The following METAP1D variants were observed in gnomAD, a reference collection of about 807,000 sequenced individuals.
METAP1D encodes the protein methionyl aminopeptidase type 1D, mitochondrial.
In METAP1D, 31 loss-of-function variants were observed where a neutral mutation model predicts 40.5. The ratio of observed to expected loss-of-function variants is 0.77; its 90% confidence interval spans 0.58 to 1.03. The LOEUF is 1.03. Among genes scored for constraint, METAP1D ranks in the 50% least tolerant of loss-of-function variants. The pLI is 0.00. For missense variants in METAP1D, 411 were observed against 420.7 expected, an observed-to-expected ratio of 0.98 and a Z score of 0.20; for synonymous variants, 151 against 146.4, an observed-to-expected ratio of 1.03 and a Z score of -0.22.
At chr2:172,030,344 G>A (rs1200243583) in intron 1 of METAP1D, among the ~76,000 whole-genome samples, 5 of 151,854 alleles carry the variant, frequency 3.3e-5, no homozygotes, top group African/African-American at 1.2e-4. Flanking sequence ...TGCCCACCTC[G>A]GCCTCCCAAA....
At position 172,082,285 on chromosome 2, in the gene METAP1D, C is replaced by T. The variant is rs1690737018; in HGVS notation, c.*1879C>T. On this transcript the variant is annotated 3_prime_UTR_variant, in exon 10 of 10. Transcript: ENST00000315796. ...TATCTTATCTGCAAATCAGTTTACT[C>T]CGAGGTTCCCCAAGGATAGTTTTAT... 6.6e-6 allele frequency: 1 copy of T among 152,202 alleles called. No homozygotes were observed. Among genetic ancestry groups the T allele is most frequent in the Non-Finnish European group, 1.5e-5 (1 of 68,038 alleles). The allele number at this position is 152,202 out of a possible 1,614,324, so 9.4% of individuals were successfully genotyped here. A position where few individuals can be genotyped will look rare whatever the true frequency, so the allele number is the denominator to read the frequency against.
At chr2:172,034,794 A>T (rs1055361460) in intron 1 of METAP1D, among the ~76,000 whole-genome samples, 12 of 152,200 alleles carry the variant, frequency 7.9e-5, no homozygotes, top group African/African-American at 1.7e-4. Context: ...TAAATTTCTC[A>T]TGGCCTAGTA....
intron 1 of METAP1D, among the ~76,000 whole-genome samples, chr2:172,056,502 T>C (rs1395124903): frequency 1.3e-5 from 2 of 152,188 alleles, no homozygotes; most frequent in Non-Finnish European, 2.9e-5. Context: ...TATGTCTGCC[T>C]CCCACTACAA....
intron 1 of METAP1D, among the ~76,000 whole-genome samples, chr2:172,005,737 C>T (rs1688565956): frequency 6.6e-6 from 1 of 151,302 alleles, no homozygotes; most frequent in African/African-American, 2.4e-5. Context: ...CGGGATTTCA[C>T]CATGTTGGCC....
chr2:172,060,672 A>G (rs1690119720), intron 1 of METAP1D, among the ~76,000 whole-genome samples: 1 of 152,160 alleles, frequency 6.6e-6, no homozygotes, highest in South Asian at 2.1e-4. Context: ...ATTCTTTTTA[A>G]TAGCTCCAGA....
intron 1 of METAP1D, among the ~76,000 whole-genome samples, chr2:172,037,240 C>G (rs1028042931): frequency 6.8e-6 from 1 of 147,264 alleles, no homozygotes; most frequent in Non-Finnish European, 1.5e-5. Flanking sequence ...CCAGCCTGGG[C>G]AACAAGAGGG....
intron 1 of METAP1D, 82 bp downstream of exon 1, chr2:172,000,091 C>A: frequency 8.4e-7 from 1 of 1,191,888 alleles, no homozygotes; most frequent in Non-Finnish European, 1.1e-6. Flanking sequence ...GATGCGCACC[C>A]GCGCTCAGAC....
intron 1 of METAP1D, among the ~76,000 whole-genome samples, chr2:172,043,758 T>G (rs62183826): frequency 0.66 from 87,878 of 132,494 alleles, 35,330 homozygotes; most frequent in East Asian, 0.94. Context: ...AAGAACACTG[T>G]AGGAAATGTG....
Position 172,080,327 on chromosome 2 carries a change from G to T in METAP1D, c.930-1G>T. 6.2e-7 allele frequency: 1 copy of T among 1,614,128 alleles called. No individual in the cohort carries two copies. Among genetic ancestry groups the T allele is most frequent in the Non-Finnish European group, 8.5e-7 (1 of 1,179,964 alleles). ...TCTGACGGCTGGGTGCTGTGTTACA[G>T]GTCGGCGCAGTTCGAGCACACGGTT... On this transcript the variant is annotated splice_acceptor_variant, in intron 9 of 9. Transcript: ENST00000315796. LOFTEE classifies it high-confidence loss of function.
rs377507524 is a variant in METAP1D at position 172,080,392 on chromosome 2, C to T, written c.994C>T (p.Pro332Ser). ...SRGAQILTKL[P>S]HEA is the part of the protein sequence containing the mutation. ...GGGCGCGCAGATCCTGACCAAACTA[C>T]CCCATGAGGCCTGAGGAGCCGCCCG... Residue 332 changes from proline to serine, a missense_variant, in exon 10 of 10, where the codon CCC becomes TCC. Pro to Ser is a moderately conservative substitution (Grantham distance 74). Coordinates refer to ENST00000315796, the MANE Select transcript of METAP1D (RefSeq NM_199227.3). 12 of 1,613,924 alleles carry T rather than the reference C, an allele frequency of 7.4e-6. No homozygotes were observed. In the African/African-American group the frequency reaches 1.6e-4, roughly 22 times the overall value.
chr2:172,031,734 GA>G (rs1482270090), intron 1 of METAP1D, among the ~76,000 whole-genome samples: 1 of 152,160 alleles, frequency 6.6e-6, no homozygotes, highest in African/African-American at 2.4e-5. Flanking sequence ...GTGTCTGAAA[GA>G]AAAGGGAGGA....
intron 5 of METAP1D, 83 bp downstream of exon 5, chr2:172,066,389 C>A: frequency 8.7e-7 from 1 of 1,148,438 alleles, no homozygotes; most frequent in Non-Finnish European, 1.3e-6. Context: ...AAAATGTGAA[C>A]TGCACCAGTG....
chr2:172,080,520 G>A lies in METAP1D; in HGVS notation c.*114G>A, dbSNP rs1305379443. 9 of 1,118,758 alleles carry A rather than the reference G, an allele frequency of 8.0e-6. No individual in the cohort carries two copies. Among genetic ancestry groups the A allele is most frequent in the Non-Finnish European group, 1.2e-5 (9 of 755,820 alleles). 69.3% of individuals were successfully genotyped at this position (1,118,758 alleles called of 1,614,324 possible). A position where few individuals can be genotyped will look rare whatever the true frequency, so the allele number is the denominator to read the frequency against. On this transcript the variant is annotated 3_prime_UTR_variant, in exon 10 of 10. Transcript: ENST00000315796. ...TGACCGGTGGTGCGGTAACCTGCGT[G>A]GCTCCTGATAGCGTTTGGAAGAACG...
At chr2:172,024,016 G>A (rs762688716) in intron 1 of METAP1D, among the ~76,000 whole-genome samples, 4 of 151,844 alleles carry the variant, frequency 2.6e-5, no homozygotes, top group East Asian at 1.9e-4. Flanking sequence ...CACCATGCCC[G>A]GCTAATTTTT....
At chr2:172,030,428 G>A (rs1404252230) in intron 1 of METAP1D, among the ~76,000 whole-genome samples, 1 of 152,126 alleles carries the variant, frequency 6.6e-6, no homozygotes, top group Non-Finnish European at 1.5e-5. Context: ...TTGCAGAGGT[G>A]GAAATGAACT....
At chr2:172,032,785 G>A (rs988843543) in intron 1 of METAP1D, among the ~76,000 whole-genome samples, 4 of 152,140 alleles carry the variant, frequency 2.6e-5, no homozygotes, top group African/African-American at 9.7e-5. Context: ...ACTTGAGGCC[G>A]GGCGTGGTGG....
At chr2:172,007,794 G>T (rs1277888139) in intron 1 of METAP1D, among the ~76,000 whole-genome samples, 1 of 151,858 alleles carries the variant, frequency 6.6e-6, no homozygotes, top group East Asian at 1.9e-4. Context: ...GGTTCAAGCA[G>T]TTCTCCTGCC....
chr2:172,063,590 C>G, intron 2 of METAP1D, 121 bp from the exon 3 acceptor site: 1 of 763,580 alleles, frequency 1.3e-6, no homozygotes, highest in Non-Finnish European at 2.2e-6. Flanking sequence ...GTGCTGGCTT[C>G]GGAGGTCGGT....
intron 1 of METAP1D, among the ~76,000 whole-genome samples, chr2:172,025,568 G>T (rs1298536806): frequency 1.3e-5 from 2 of 151,978 alleles, no homozygotes; most frequent in African/African-American, 4.8e-5. Flanking sequence ...AGGTTCAAGC[G>T]TTCTGCCCAC....
Sources: gnomAD v4.1 joint callset for allele counts (sites outside exome capture counted in the v4.1 genomes callset) on GRCh38, gnomAD v4.1.1 for gene constraint, MANE v1.5 for transcripts, NCBI Gene and HGNC (gene_info 2026-07-23, HGNC 2026-07-21) for gene names.